DDX6: variants seen among roughly 807,000 people sequenced by gnomAD.
The protein encoded by DDX6 is probable ATP-dependent RNA helicase DDX6.
Under a neutral mutation model 60.6 loss-of-function variants are expected in DDX6, and 7 were observed. That is an observed-to-expected ratio of 0.12 (90% CI 0.07 to 0.22). DDX6 has a LOEUF of 0.22. Among genes scored for constraint, DDX6 ranks in the 10% least tolerant of loss-of-function variants. The probability of loss-of-function intolerance (pLI) is 1.00; values close to 1 mark genes in which losing one functional copy is unlikely to be tolerated. For missense variants in DDX6, 270 were observed against 589.9 expected (o/e 0.46, Z 5.62); for synonymous variants, 207 against 201.0 (o/e 1.03, Z -0.25).
In DDX6 at chr11:118,754,909, A is replaced by T. The variant is rs782570283; in HGVS notation, c.1277-22T>A. On this transcript the variant is annotated intron_variant, in intron 12 of 13. Transcript: ENST00000534980. ...CGACCTAAAAAACATGCGTTTAAAA[A>T]TTTTAATGAATAAAATATGAAAATC... 7.0e-6 allele frequency: 11 copies of T among 1,573,164 alleles called. No homozygotes were observed. In the East Asian group the frequency reaches 2.5e-4, roughly 36 times the overall value.
chr11:118,753,336 C>CTTTTTT (rs34191912), intron 13 of DDX6, among the ~76,000 whole-genome samples: 2 of 67,400 alleles, frequency 3.0e-5, no homozygotes, highest in African/African-American at 6.0e-5. Flanking sequence ...GCCCAAGTGG[C>CTTTTTT]TTTTTTTTTT....
At chr11:118,778,742 T>C (rs1861786318) in intron 4 of DDX6, among the ~76,000 whole-genome samples, 1 of 152,094 alleles carries the variant, frequency 6.6e-6, no homozygotes, top group Non-Finnish European at 1.5e-5. Context: ...CAAAGAGGAA[T>C]AAATGGACAC....
chr11:118,779,156 C>CAAAAAAA lies in DDX6; in HGVS notation c.369+469_369+475dup, dbSNP rs5795140. On this transcript the variant is annotated intron_variant, in intron 4 of 13. Transcript: ENST00000534980. ...GGGTGACAGGGCAAGACCCAGTTGC[C>CAAAAAAA]AAAAAAAAAAAAAAAAAAGAGGGAT... 3.2e-5 allele frequency among the ~76,000 whole-genome samples: 4 copies of CAAAAAAA among 125,876 alleles called. 1 individual carries two copies. Among genetic ancestry groups the CAAAAAAA allele is most frequent in the African/African-American group, 3.1e-5 (1 of 32,668 alleles). The allele number at this position is 125,876 out of a possible 152,430, so 82.6% of individuals were successfully genotyped here.
intron 1 of DDX6, among the ~76,000 whole-genome samples, chr11:118,790,569 C>G (rs1862238310): frequency 1.3e-5 from 2 of 152,128 alleles, no homozygotes; most frequent in African/African-American, 4.8e-5. Context: ...ACCCTATAAC[C>G]TCCACCATCA....
intron 7 of DDX6, 35 bp from the exon 8 acceptor site, chr11:118,760,079 T>A: frequency 6.3e-7 from 1 of 1,597,136 alleles, no homozygotes. Flanking sequence ...TTAAAAACAA[T>A]AAAATAATGT....
chr11:118,780,420 T>G (rs1366192208), intron 3 of DDX6, among the ~76,000 whole-genome samples: 1 of 152,054 alleles, frequency 6.6e-6, no homozygotes, highest in East Asian at 1.9e-4. Context: ...CAAGTTCAAG[T>G]AATTCTCCTG....
At chr11:118,766,909 C>CA (rs1555161360) in intron 5 of DDX6, among the ~76,000 whole-genome samples, 1 of 100 alleles carries the variant, frequency 0.01, no homozygotes, top group East Asian at 0.17. Flanking sequence ...CGTTTTGAGA[C>CA]AGATCTCGCT....
At chr11:118,787,804 T>A (rs911552313) in intron 1 of DDX6, 2 of 152,138 alleles carry the variant, frequency 1.3e-5, no homozygotes, top group African/African-American at 4.8e-5. Context: ...TAAATGAATT[T>A]TTATTTTGAA....
rs1172645500 is a variant in DDX6, at chr11:118,751,024, C to T, written c.*1081G>A. 1.3e-5 allele frequency: 2 copies of T among 150,586 alleles called. No individual in the cohort carries two copies. The highest frequency in any genetic ancestry group is 4.9e-5 in the African/African-American group (2 of 40,844). The allele number at this position is 150,586 out of a possible 1,614,324, so 9.3% of individuals were successfully genotyped here. ...CTGCTCCCATAATCACTCTAATCCC[C>T]TTAATCCCAGCAACCTTCATCCAAA... is the stretch of plus-strand genomic sequence containing the variant. On this transcript the variant is annotated 3_prime_UTR_variant, in exon 14 of 14. Coordinates refer to ENST00000534980, the MANE Select transcript of DDX6 (RefSeq NM_004397.6).
At chr11:118,788,682 G>A (rs960789903) in intron 1 of DDX6, 1 of 152,110 alleles carries the variant, frequency 6.6e-6, no homozygotes, top group Non-Finnish European at 1.5e-5. Context: ...ACAGACGTAA[G>A]CCACCACGCC....
chr11:118,755,551 C>G, intron 11 of DDX6, 48 bp from the exon 12 acceptor site: 2 of 1,057,348 alleles, frequency 1.9e-6, no homozygotes. Flanking sequence ...AGAAATGTCT[C>G]TCAGTACAAT....
chr11:118,775,687 T>C (rs1311285154), intron 4 of DDX6, among the ~76,000 whole-genome samples: 1 of 152,252 alleles, frequency 6.6e-6, no homozygotes, highest in Non-Finnish European at 1.5e-5. Context: ...TACTTATTTC[T>C]ACTTTACAGA....
Position 118,754,835 on chromosome 11 carries a change from G to C in DDX6, c.1329C>G (p.Arg443=). 3.1e-6 allele frequency: 5 copies of C among 1,613,836 alleles called. No individual in the cohort carries two copies. The highest frequency in any genetic ancestry group is 3.4e-6 in the Non-Finnish European group (4 of 1,179,862). Residue 443 remains arginine (R), a synonymous_variant, in exon 13 of 14, where the codon CGC becomes CGG. Coordinates refer to ENST00000534980, the MANE Select transcript of DDX6 (RefSeq NM_004397.6). The part of the protein sequence containing the change: ...LAINLITYDD[R]FNLKSIEEQL... The stretch of plus-strand genomic sequence containing the variant: ...GCTCCTCAATACTTTTCAGGTTGAA[G>C]CGATCATCATATGTGATCAAGTTGA...
rs551826051 is a variant in DDX6 at position 118,749,700 on chromosome 11, T to C, written c.*2405A>G. ...TTTATACTCTTTTCTTCTACATGAA[T>C]GATCCCTCTTATCTCGCAAGAGGTG... On this transcript the variant is annotated 3_prime_UTR_variant, in exon 14 of 14. Coordinates refer to ENST00000534980, the MANE Select transcript of DDX6 (RefSeq NM_004397.6). 1 of 152,764 alleles carries C rather than the reference T, an allele frequency of 6.5e-6. No individual in the cohort carries two copies. The highest frequency in any genetic ancestry group is 2.1e-4 in the South Asian group (1 of 4,824). 9.5% of individuals were successfully genotyped at this position (152,764 alleles called of 1,614,324 possible).
intron 11 of DDX6, 24 bp from the exon 12 acceptor site, chr11:118,755,527 C>T (rs782700730): frequency 7.4e-7 from 1 of 1,342,880 alleles, no homozygotes; most frequent in East Asian, 2.3e-5. Flanking sequence ...AGATAATTTT[C>T]ATTTTTTCAA....
intron 1 of DDX6, chr11:118,789,643 G>A (rs991901134): frequency 1.3e-5 from 2 of 152,150 alleles, no homozygotes; most frequent in Admixed American, 1.3e-4. Flanking sequence ...TGTATTGACG[G>A]TTTTATATTA....
chr11:118,783,596 A>T (rs1351570060), intron 2 of DDX6, among the ~76,000 whole-genome samples: 1 of 99,424 alleles, frequency 1.0e-5, no homozygotes, highest in Non-Finnish European at 2.3e-5. Flanking sequence ...TGAGGTCAGG[A>T]ATTCAAGCCT....
chr11:118,791,229 A>C (rs1347251853), upstream of DDX6: 2 of 151,922 alleles, frequency 1.3e-5, no homozygotes, highest in Admixed American at 6.6e-5. Flanking sequence ...GCCTCTCCGC[A>C]TGGCGGCGAC....
chr11:118,785,641 A>T (rs546813160), intron 2 of DDX6, among the ~76,000 whole-genome samples: 24 of 152,236 alleles, frequency 1.6e-4, no homozygotes, highest in African/African-American at 5.8e-4. Flanking sequence ...ACTCAGACTG[A>T]GTCTTTAAAT....
Sources: gnomAD v4.1 joint callset for allele counts (sites outside exome capture counted in the v4.1 genomes callset) on GRCh38, gnomAD v4.1.1 for gene constraint, MANE v1.5 for transcripts, NCBI Gene and HGNC (gene_info 2026-07-23, HGNC 2026-07-21) for gene names.